INPP4B: variants seen among roughly 807,000 people sequenced by gnomAD.
INPP4B encodes the protein inositol polyphosphate-4-phosphatase type II B.
In INPP4B, 55 loss-of-function variants were observed where a neutral mutation model predicts 122.5. The ratio of observed to expected loss-of-function variants is 0.45; its 90% CI spans 0.36 to 0.56. The LOEUF is 0.56. INPP4B is among the 20% of genes least tolerant of loss of function. The probability of loss-of-function intolerance (pLI) is 0.00; values close to 1 mark genes in which losing one functional copy is unlikely to be tolerated. For synonymous variants in INPP4B, 403 were observed against 388.7 expected (o/e 1.04, Z -0.43); for missense variants, 1,000 against 1,097.7 (o/e 0.91, Z 1.26).
intron 25 of INPP4B, among the ~76,000 whole-genome samples, chr4:142,057,562 T>C (rs1373326305): frequency 6.6e-6 from 1 of 152,160 alleles, no homozygotes; most frequent in Non-Finnish European, 1.5e-5. Context: ...AACAAAGACC[T>C]ACAGGCTAAA....
chr4:142,198,975 T>C (rs1323072505), intron 14 of INPP4B, among the ~76,000 whole-genome samples: 1 of 152,074 alleles, frequency 6.6e-6, no homozygotes, highest in African/African-American at 2.4e-5. Context: ...GAGATCTTTG[T>C]GTAATGTATC....
intron 2 of INPP4B, among the ~76,000 whole-genome samples, chr4:142,673,906 T>C (rs1170402719): frequency 6.6e-6 from 1 of 152,112 alleles, no homozygotes; most frequent in Non-Finnish European, 1.5e-5. Context: ...GCACCTAGGT[T>C]ACCGTTTCAG....
chr4:142,572,742 T>C (rs1001447406), intron 2 of INPP4B, among the ~76,000 whole-genome samples: 3 of 151,998 alleles, frequency 2.0e-5, no homozygotes, highest in African/African-American at 7.2e-5. Context: ...CCTCTTTAAT[T>C]GTACAATGTG....
At chr4:142,114,081 C>A (rs10018171) in intron 21 of INPP4B, among the ~76,000 whole-genome samples, 20,069 of 151,890 alleles carry the variant, frequency 0.13, 1,474 homozygotes, top group East Asian at 0.23. Context: ...TCTTTTCTAT[C>A]TGGCCTTTTT....
At chr4:142,781,957 C>A (rs1402117245) in intron 1 of INPP4B, among the ~76,000 whole-genome samples, 2 of 150,668 alleles carry the variant, frequency 1.3e-5, no homozygotes, top group African/African-American at 4.9e-5. Context: ...GTCTTGCTAA[C>A]CTTTTATTTT....
intron 2 of INPP4B, among the ~76,000 whole-genome samples, chr4:142,525,026 C>A (rs951039548): frequency 4.6e-5 from 7 of 151,634 alleles, no homozygotes; most frequent in Non-Finnish European, 1.0e-4. Context: ...AGCTGATAAG[C>A]AACTTCAGCA....
chr4:142,167,195 T>C (rs931551605), intron 16 of INPP4B, among the ~76,000 whole-genome samples: 2 of 150,314 alleles, frequency 1.3e-5, no homozygotes, highest in Admixed American at 6.6e-5. Flanking sequence ...ATACACACCA[T>C]GGAATACTAC....
chr4:142,305,871 A>G (rs1456388605), intron 8 of INPP4B: 1 of 1,085,926 alleles, frequency 9.2e-7, no homozygotes, highest in Non-Finnish European at 1.1e-6. Flanking sequence ...TATTTTCCAT[A>G]TTTACCAATG....
At chr4:142,534,104 T>C (rs948005869) in intron 2 of INPP4B, among the ~76,000 whole-genome samples, 1 of 152,160 alleles carries the variant, frequency 6.6e-6, no homozygotes, top group African/African-American at 2.4e-5. Context: ...CCATTGTGGA[T>C]ATGTATCTTG....
At chr4:142,634,672 C>T (rs541828412) in intron 2 of INPP4B, among the ~76,000 whole-genome samples, 3 of 152,074 alleles carry the variant, frequency 2.0e-5, no homozygotes, top group African/African-American at 7.2e-5. Flanking sequence ...CATTAATCTG[C>T]TAAAAAAGAT....
chr4:142,252,967 G>T (rs1231111458), intron 11 of INPP4B, among the ~76,000 whole-genome samples: 1 of 152,190 alleles, frequency 6.6e-6, no homozygotes, highest in Admixed American at 6.5e-5. Context: ...CTAGATGGTA[G>T]AGCCTACTAC....
chr4:142,548,422 G>A (rs1479453629), intron 2 of INPP4B, among the ~76,000 whole-genome samples: 2 of 152,124 alleles, frequency 1.3e-5, no homozygotes, highest in African/African-American at 4.8e-5. Context: ...AAATACAAAT[G>A]AAAAGATCAA....
intron 9 of INPP4B, among the ~76,000 whole-genome samples, chr4:142,280,001 T>C (rs536753584): frequency 6.6e-6 from 1 of 152,030 alleles, no homozygotes; most frequent in Non-Finnish European, 1.5e-5. Flanking sequence ...TCCAAAGATG[T>C]TGAACATTAT....
intron 1 of INPP4B, among the ~76,000 whole-genome samples, chr4:142,802,241 G>A (rs922428066): frequency 8.5e-5 from 13 of 152,122 alleles, no homozygotes; most frequent in African/African-American, 2.4e-4. Flanking sequence ...TGCAGGTCAC[G>A]GTAATTCTAC....
chr4:142,623,875 A>T (rs1447698326), intron 2 of INPP4B, among the ~76,000 whole-genome samples: 1 of 152,042 alleles, frequency 6.6e-6, no homozygotes, highest in African/African-American at 2.4e-5. Context: ...AGTTTCATCC[A>T]TGTCCCTACA....
At chr4:142,103,970 G>C (rs1479891814) in intron 23 of INPP4B, among the ~76,000 whole-genome samples, 1 of 151,880 alleles carries the variant, frequency 6.6e-6, no homozygotes, top group Non-Finnish European at 1.5e-5. Flanking sequence ...TATATAAAAA[G>C]TATAGAACAG....
intron 2 of INPP4B, among the ~76,000 whole-genome samples, chr4:142,638,172 T>C (rs1180397882): frequency 6.6e-6 from 1 of 152,236 alleles, no homozygotes; most frequent in African/African-American, 2.4e-5. Context: ...CTTGACATTG[T>C]CTTTCAGAGC....
Position 142,800,664 on chromosome 4 carries a change from T to C in INPP4B, c.-254+45545A>G, listed in dbSNP as rs193105622. 3.9e-5 allele frequency among the ~76,000 whole-genome samples: 6 copies of C among 152,300 alleles called. No individual in the cohort carries two copies. The East Asian group carries it at 1.2e-3, about 29-fold the overall frequency. On this transcript the variant is annotated intron_variant, in intron 1 of 25. Transcript: ENST00000262992. ...CACTAAGTAACCTTATTATGTTAGT[T>C]AGCTTATAACCCTAAAACACCACAG...
At chr4:142,077,621 G>T (rs1287628528) in intron 25 of INPP4B, among the ~76,000 whole-genome samples, 1 of 151,674 alleles carries the variant, frequency 6.6e-6, no homozygotes, top group African/African-American at 2.4e-5. Flanking sequence ...ATTGGGACAA[G>T]ACAGCTCTTA....
Sources: gnomAD v4.1 joint callset for allele counts (sites outside exome capture counted in the v4.1 genomes callset) on GRCh38, gnomAD v4.1.1 for gene constraint, MANE v1.5 for transcripts, NCBI Gene and HGNC (gene_info 2026-07-23, HGNC 2026-07-21) for gene names.